RELN: variants seen among roughly 807,000 people sequenced by gnomAD.
The protein encoded by RELN is reelin.
RELN carries 108 observed loss-of-function variants against 427.6 expected under a neutral mutation model. That is an observed-to-expected ratio of 0.25 (90% CI 0.22 to 0.30). The LOEUF is 0.30. Among genes scored for constraint, RELN ranks in the 10% least tolerant of loss-of-function variants. RELN has a pLI of 1.00. For synonymous variants in RELN, 1,524 were observed against 1,513.4 expected (o/e 1.01, Z -0.16); for missense variants, 3,715 against 4,302.8 (o/e 0.86, Z 3.82).
At chr7:103,476,288 C>A (rs1223130933) in intron 64 of RELN, among the ~76,000 whole-genome samples, 1 of 151,956 alleles carries the variant, frequency 6.6e-6, no homozygotes, top group Admixed American at 6.6e-5. Flanking sequence ...AGAGTGAAAC[C>A]CCATCTCTAC....
intron 19 of RELN, among the ~76,000 whole-genome samples, chr7:103,630,865 T>TTG (rs1832445616): frequency 1.3e-5 from 2 of 149,148 alleles, no homozygotes; most frequent in African/African-American, 2.5e-5. Flanking sequence ...TTTTTGTTTT[T>TTG]TTTTTTTTTG....
intron 25 of RELN, 74 bp downstream of exon 25, chr7:103,596,382 G>A: frequency 7.6e-7 from 1 of 1,309,596 alleles, no homozygotes; most frequent in Non-Finnish European, 1.1e-6. Flanking sequence ...TTAACATTTT[G>A]GAAACACATC....
At chr7:103,615,620 G>A (rs1401359427) in intron 20 of RELN, among the ~76,000 whole-genome samples, 1 of 152,142 alleles carries the variant, frequency 6.6e-6, no homozygotes, top group Non-Finnish European at 1.5e-5. Flanking sequence ...GTGTTATGGA[G>A]AAGGAAAATA....
rs758797491 is a variant in RELN, at chr7:103,565,505, A to T, written c.4983T>A (p.Ser1661=). The T allele has an allele frequency of 5.0e-6, 8 of 1,613,886 alleles. No homozygotes were observed. The Admixed American group carries it at 1.3e-4, about 27-fold the overall frequency. The change falls in exon 34 of 65, where the codon TCT becomes TCA. Residue 1661 remains serine, a synonymous_variant. Coordinates refer to ENST00000428762, the MANE Select transcript of RELN (RefSeq NM_005045.4). The part of the protein sequence containing the change: ...AETWDFHVSA[S]TFLQFEMSMG... ...TGCTCATTTCAAACTGCAAAAAGGT[A>T]GATGCTGACACATGAAAATCCCAGG...
chr7:103,945,171 A>C (rs996693520), intron 1 of RELN, among the ~76,000 whole-genome samples: 2 of 152,112 alleles, frequency 1.3e-5, no homozygotes, highest in African/African-American at 4.8e-5. Flanking sequence ...TCCCAGAGGG[A>C]GCTCTCAAAA....
chr7:103,859,239 G>A (rs1365300080), intron 2 of RELN, among the ~76,000 whole-genome samples: 1 of 152,154 alleles, frequency 6.6e-6, no homozygotes, highest in African/African-American at 2.4e-5. Context: ...ACACTTCAGT[G>A]TCACCATGAT....
intron 2 of RELN, among the ~76,000 whole-genome samples, chr7:103,866,834 G>A (rs1469448066): frequency 6.6e-6 from 1 of 151,964 alleles, no homozygotes; most frequent in Non-Finnish European, 1.5e-5. Flanking sequence ...GGATCATCCT[G>A]TCTGCCCTCT....
At chr7:103,547,442 G>A (rs1030880088) in intron 41 of RELN, among the ~76,000 whole-genome samples, 14 of 152,034 alleles carry the variant, frequency 9.2e-5, no homozygotes, top group African/African-American at 1.5e-4. Flanking sequence ...GATTACAGGC[G>A]CCCGCCACCA....
chr7:103,939,986 G>A (rs1442811727), intron 1 of RELN, among the ~76,000 whole-genome samples: 3 of 152,084 alleles, frequency 2.0e-5, no homozygotes, highest in Admixed American at 6.6e-5. Context: ...TTTAGTTCGT[G>A]AAAACTCAAC....
intron 40 of RELN, among the ~76,000 whole-genome samples, chr7:103,552,304 C>T (rs1051410413): frequency 6.6e-6 from 1 of 152,020 alleles, no homozygotes; most frequent in South Asian, 2.1e-4. Flanking sequence ...ACTATCATGC[C>T]ATCAAAGCAT....
intron 3 of RELN, among the ~76,000 whole-genome samples, chr7:103,795,128 A>T (rs531163043): frequency 1.1e-3 from 174 of 152,356 alleles, no homozygotes; most frequent in African/African-American, 3.4e-3. Flanking sequence ...AGTATTATCT[A>T]TTGAAGTCAA....
At chr7:103,836,392 T>C (rs1294744035) in intron 2 of RELN, among the ~76,000 whole-genome samples, 1 of 152,230 alleles carries the variant, frequency 6.6e-6, no homozygotes, top group Non-Finnish European at 1.5e-5. Context: ...ACATTCCACA[T>C]GCTCAATAGC....
At chr7:103,700,734 T>C (rs1254289181) in intron 9 of RELN, among the ~76,000 whole-genome samples, 176 bp downstream of exon 9, 1 of 152,140 alleles carries the variant, frequency 6.6e-6, no homozygotes, top group African/African-American at 2.4e-5. Context: ...ACACTTTTAA[T>C]AATATCTTCT....
At chr7:103,695,869 G>C (rs957111516) in intron 10 of RELN, among the ~76,000 whole-genome samples, 13 of 152,098 alleles carry the variant, frequency 8.5e-5, no homozygotes, top group African/African-American at 2.7e-4. Context: ...GCTCTTGAAG[G>C]AGCCATGACT....
At chr7:103,518,585 C>T (rs1448606861) in intron 49 of RELN, among the ~76,000 whole-genome samples, 1 of 149,002 alleles carries the variant, frequency 6.7e-6, no homozygotes, top group East Asian at 2.0e-4. Context: ...ATCCTCCTGC[C>T]TTGGCTTCCC....
At chr7:103,765,379 G>C (rs1791404149) in intron 4 of RELN, among the ~76,000 whole-genome samples, 1 of 152,116 alleles carries the variant, frequency 6.6e-6, no homozygotes, top group South Asian at 2.1e-4. Context: ...CAATGGGATG[G>C]GAGACTGCCT....
intron 1 of RELN, among the ~76,000 whole-genome samples, chr7:103,918,965 T>C (rs1795550498): frequency 6.6e-6 from 1 of 152,114 alleles, no homozygotes; most frequent in South Asian, 2.1e-4. Flanking sequence ...AAAAAAATAC[T>C]TGTTTGAAAT....
chr7:103,672,141 A>G (rs1456586302), intron 11 of RELN, among the ~76,000 whole-genome samples: 1 of 152,192 alleles, frequency 6.6e-6, no homozygotes, highest in East Asian at 1.9e-4. Context: ...TAATAAAAGT[A>G]TCAACTTACA....
intron 36 of RELN, among the ~76,000 whole-genome samples, 157 bp downstream of exon 36, chr7:103,561,375 C>T (rs1830637471): frequency 6.6e-6 from 1 of 152,082 alleles, no homozygotes; most frequent in African/African-American, 2.4e-5. Context: ...AATGATTGCA[C>T]TCAGAAGAGG....
Sources: allele counts gnomAD v4.1 joint callset (sites outside exome capture counted in the v4.1 genomes callset), GRCh38; gene constraint gnomAD v4.1.1; transcripts MANE v1.5; gene names NCBI Gene and HGNC (gene_info 2026-07-23, HGNC 2026-07-21).